The following PRDM2 variants were observed in gnomAD, a reference collection of about 807,000 sequenced individuals.
PRDM2 encodes the protein PR/SET domain 2.
Under a neutral mutation model 130.0 loss-of-function variants are expected in PRDM2, and 30 were observed. The ratio of observed to expected loss-of-function variants is 0.23; its 90% CI spans 0.17 to 0.31. The LOEUF (loss-of-function observed/expected upper bound fraction) is 0.31. PRDM2 is among the 10% of genes least tolerant of loss of function. The pLI, the probability that PRDM2 is intolerant of heterozygous loss-of-function variation, is 1.00. For synonymous variants in PRDM2, 871 were observed against 782.4 expected (o/e 1.11, Z -1.89); for missense variants, 2,011 against 2,108.4 (o/e 0.95, Z 0.90).
chr1:13,766,365 AT>A (rs1167813954), intron 6 of PRDM2, among the ~76,000 whole-genome samples: 2 of 152,238 alleles, frequency 1.3e-5, no homozygotes, highest in Non-Finnish European at 1.5e-5. Flanking sequence ...AATTCTAAGA[AT>A]GAAAGAAATA....
chr1:13,808,664 C>A (rs1645124208), intron 8 of PRDM2, among the ~76,000 whole-genome samples: 1 of 152,062 alleles, frequency 6.6e-6, no homozygotes, highest in Non-Finnish European at 1.5e-5. Flanking sequence ...GGGAATATCA[C>A]AGAGTCTTGA....
chr1:13,752,797 G>A lies in PRDM2; in HGVS notation c.511+3310G>A, dbSNP rs117604573. Among the ~76,000 whole-genome samples the A allele has an allele frequency of 7.3e-4, 111 of 152,278 alleles. 1 individual carries two copies. The East Asian group carries it at 0.019, about 26-fold the overall frequency. On this transcript the variant is annotated intron_variant, in intron 6 of 9. Coordinates refer to ENST00000311066, the MANE Select transcript of PRDM2 (RefSeq NM_001393986.1). The stretch of plus-strand genomic sequence containing the variant: ...ATGCCTGGGCGTTTACCAGGTGTGC[G>A]ATCTTGGACAGCTCATGTCACCTTT...
rs1645385158 is a variant in PRDM2 at position 13,823,405 on chromosome 1, G to C, written c.*270G>C. On this transcript the variant is annotated 3_prime_UTR_variant, in exon 10 of 10. Transcript: ENST00000311066. ...ACGCTGTCCTTTGGGATGATACTTGGATGCAGCTCTTGGGACCGTGTTCTG... is the reference window on the plus strand; with the variant it reads ...ACGCTGTCCTTTGGGATGATACTTGCATGCAGCTCTTGGGACCGTGTTCTG... 1.7e-6 allele frequency: 1 copy of C among 586,352 alleles called. No homozygotes were observed. The highest frequency in any genetic ancestry group is 3.1e-6 in the Non-Finnish European group (1 of 325,320). The allele number at this position is 586,352 out of a possible 1,614,324, so 36.3% of individuals were successfully genotyped here. A position where few individuals can be genotyped will look rare whatever the true frequency, so the allele number is the denominator to read the frequency against.
At chr1:13,767,050 C>G (rs1644242890) in intron 6 of PRDM2, among the ~76,000 whole-genome samples, 1 of 152,146 alleles carries the variant, frequency 6.6e-6, no homozygotes, top group Non-Finnish European at 1.5e-5. Context: ...TAACTCATAT[C>G]CCAGGCATCA....
chr1:13,760,340 A>C (rs1644066459), intron 6 of PRDM2, among the ~76,000 whole-genome samples: 1 of 152,202 alleles, frequency 6.6e-6, no homozygotes. Flanking sequence ...CATTAAAAAA[A>C]AAACCTGCCT....
intron 6 of PRDM2, among the ~76,000 whole-genome samples, chr1:13,757,484 A>G (rs577337259): frequency 8.2e-4 from 125 of 152,344 alleles, no homozygotes; most frequent in African/African-American, 2.9e-3. Context: ...GAGAAGCTTT[A>G]GCTGTCAGCT....
rs368227578 is a variant in PRDM2 at position 13,780,372 on chromosome 1, C to T, written c.2577C>T (p.Asp859=). ...DLSVHKKHCS[D]SEGKEFKESH... is the part of the protein sequence containing the mutation. ...GTGTGCATAAAAAGCATTGTAGTGA[C>T]TCTGAAGGCAAGGAATTCAAAGAAA... Residue 859 remains aspartate (D), a synonymous_variant, in exon 8 of 10, where the codon GAC becomes GAT. Transcript: ENST00000311066. The T allele has an allele frequency of 1.9e-6, 3 of 1,614,050 alleles. No individual in the cohort carries two copies. The highest frequency in any genetic ancestry group is 2.5e-6 in the Non-Finnish European group (3 of 1,180,044).
At chr1:13,703,445 T>C (rs1343857076) in intron 1 of PRDM2, among the ~76,000 whole-genome samples, 1 of 152,248 alleles carries the variant, frequency 6.6e-6, no homozygotes, top group East Asian at 1.9e-4. Flanking sequence ...ATTGAATCTC[T>C]TTAAGAACTG....
intron 6 of PRDM2, among the ~76,000 whole-genome samples, chr1:13,753,289 A>G (rs1643880640): frequency 6.6e-6 from 1 of 152,246 alleles, no homozygotes; most frequent in Non-Finnish European, 1.5e-5. Flanking sequence ...ATGAATTATA[A>G]AGAACAAGTT....
Position 13,732,823 on chromosome 1 carries a change from C to G in PRDM2, c.172C>G (p.Pro58Ala). The change falls in exon 4 of 10, where the codon CCA (proline) becomes GCA (alanine). Residue 58 changes from proline to alanine, a missense_variant. Coordinates refer to ENST00000311066, the MANE Select transcript of PRDM2 (RefSeq NM_001393986.1). ...KPILKGKKFG[P>A]FVGDKKKRSQ... ...AATTTTAAAAGGCAAAAAATTTGGG[C>G]CATTTGTTGGTGATAAGAAAAAAAG... The G allele has an allele frequency of 6.2e-7, 1 of 1,607,868 alleles. No individual in the cohort carries two copies.
intron 9 of PRDM2, among the ~76,000 whole-genome samples, chr1:13,822,640 C>T (rs575337351): frequency 6.6e-6 from 1 of 152,174 alleles, no homozygotes; most frequent in East Asian, 1.9e-4. Flanking sequence ...GATCTGCTCG[C>T]CTCGGCCTCC....
chr1:13,786,739 C>T (rs866213560), intron 8 of PRDM2: 79 of 1,402,942 alleles, frequency 5.6e-5, no homozygotes, highest in Non-Finnish European at 7.0e-5. Context: ...GCTGGGCGCC[C>T]GGGTGATTGA....
At chr1:13,818,440 G>A (rs1327457801) in intron 9 of PRDM2, among the ~76,000 whole-genome samples, 3 of 146,920 alleles carry the variant, frequency 2.0e-5, no homozygotes, top group African/African-American at 2.5e-5. Flanking sequence ...GTGCAGTGGC[G>A]CGATCTTGAC....
intron 6 of PRDM2, among the ~76,000 whole-genome samples, chr1:13,760,131 G>T (rs773801949): frequency 5.3e-5 from 8 of 152,024 alleles, no homozygotes; most frequent in Non-Finnish European, 8.8e-5. Context: ...TAAAATTTGG[G>T]GTTGTAGTAG....
chr1:13,778,179 AC>A (rs1278803449), intron 7 of PRDM2, among the ~76,000 whole-genome samples: 2 of 152,184 alleles, frequency 1.3e-5, no homozygotes, highest in Non-Finnish European at 1.5e-5. Flanking sequence ...GTGTGTCCTC[AC>A]TGCCGGGAAT....
chr1:13,769,078 A>G, intron 6 of PRDM2: 1 of 942,446 alleles, frequency 1.1e-6, no homozygotes, highest in Non-Finnish European at 1.3e-6. Flanking sequence ...CATCATTTCC[A>G]TTTCACTTCC....
At chr1:13,730,943 A>AAC in intron 2 of PRDM2, 57 bp from the exon 3 acceptor site, 1 of 1,298,198 alleles carries the variant, frequency 7.7e-7, no homozygotes, top group Non-Finnish European at 1.1e-6. Flanking sequence ...AAAAAAAAAA[A>AAC]CCCATGATTT....
chr1:13,723,702 G>C (rs994206058), intron 2 of PRDM2, among the ~76,000 whole-genome samples: 27 of 152,282 alleles, frequency 1.8e-4, no homozygotes, highest in Admixed American at 1.4e-3. Flanking sequence ...GTTTTCGGCT[G>C]TTCTCTCCTC....
intron 2 of PRDM2, among the ~76,000 whole-genome samples, chr1:13,717,843 A>G (rs1281087022): frequency 2.0e-5 from 3 of 152,174 alleles, no homozygotes; most frequent in African/African-American, 7.2e-5. Context: ...GTGTAATTTA[A>G]ATGGTCTGGT....
Sources: allele counts gnomAD v4.1 joint callset (sites outside exome capture counted in the v4.1 genomes callset), GRCh38; gene constraint gnomAD v4.1.1; transcripts MANE v1.5; gene names NCBI Gene and HGNC (gene_info 2026-07-23, HGNC 2026-07-21).